The following MAMDC2 variants were observed in gnomAD, a reference collection of about 807,000 sequenced individuals.
MAMDC2 encodes the protein MAM domain containing 2.
A neutral mutation model predicts 89.8 loss-of-function variants in MAMDC2; 57 were observed. The observed-to-expected ratio is 0.63, with a 90% CI of 0.51 to 0.79. The LOEUF is 0.79. MAMDC2 is among the 30% of genes least tolerant of loss of function. The probability of loss-of-function intolerance (pLI) is 0.00; values close to 1 mark genes in which losing one functional copy is unlikely to be tolerated. For synonymous variants in MAMDC2, 313 were observed against 293.4 expected, an observed-to-expected ratio of 1.07 and a Z score of -0.68; for missense variants, 800 against 820.6, an observed-to-expected ratio of 0.97 and a Z score of 0.31.
chr9:70,085,807 C>T lies in MAMDC2; in HGVS notation c.149-22404C>T, dbSNP rs371934455. ...AGAAGTTAATCAACATGAGAAATTA[C>T]ACCTCAAGAAATTTGCAACTTTTTA... On this transcript the variant is annotated intron_variant, in intron 2 of 13. Transcript: ENST00000377182. The T allele has an allele frequency of 1.4e-4, 22 of 152,210 alleles. 1 individual carries two copies. In the East Asian group the frequency reaches 4.0e-3, roughly 28 times the overall value. The allele number at this position is 152,210 out of a possible 1,614,324, so 9.4% of individuals were successfully genotyped here.
At chr9:70,155,340 C>A (rs1212262781) in intron 9 of MAMDC2, among the ~76,000 whole-genome samples, 1 of 152,152 alleles carries the variant, frequency 6.6e-6, no homozygotes, top group East Asian at 1.9e-4. Context: ...ATAAAGGCAT[C>A]CAACACAAGC....
At chr9:70,170,211 C>T in intron 10 of MAMDC2, 1 of 372,868 alleles carries the variant, frequency 2.7e-6, no homozygotes, top group Non-Finnish European at 4.7e-6. Flanking sequence ...CACAAAAATT[C>T]ACAAGTCAGA....
chr9:70,130,349 C>T (rs940326374), intron 6 of MAMDC2, among the ~76,000 whole-genome samples: 1 of 152,126 alleles, frequency 6.6e-6, no homozygotes, highest in Non-Finnish European at 1.5e-5. Context: ...CAAGAGGCTG[C>T]ACCATACCAA....
At chr9:70,081,940 C>T (rs1364886601) in intron 2 of MAMDC2, 1 of 152,036 alleles carries the variant, frequency 6.6e-6, no homozygotes, top group East Asian at 1.9e-4. Context: ...AATTCTTACC[C>T]GTCACCTACT....
chr9:70,222,576 C>T (rs2033585070), intron 12 of MAMDC2, among the ~76,000 whole-genome samples: 1 of 152,156 alleles, frequency 6.6e-6, no homozygotes. Context: ...AATGTTTAAT[C>T]ATGCTCCTTC....
chr9:70,221,826 A>T (rs893482104), intron 12 of MAMDC2, among the ~76,000 whole-genome samples: 3 of 152,090 alleles, frequency 2.0e-5, no homozygotes, highest in Admixed American at 6.6e-5. Context: ...GAGGAAGAAG[A>T]AGTCAAGTTG....
chr9:70,211,061 T>TG (rs748348943), intron 11 of MAMDC2, among the ~76,000 whole-genome samples: 10 of 152,216 alleles, frequency 6.6e-5, no homozygotes, highest in Non-Finnish European at 4.4e-5. Context: ...CCTTAACATT[T>TG]TTCCTCCATT....
At chr9:70,084,216 T>G (rs1176504046) in intron 2 of MAMDC2, among the ~76,000 whole-genome samples, 1 of 152,122 alleles carries the variant, frequency 6.6e-6, no homozygotes, top group Non-Finnish European at 1.5e-5. Context: ...TTCATGTATC[T>G]GTTTGCAGGT....
intron 3 of MAMDC2, chr9:70,109,059 C>T (rs1285201903): frequency 6.6e-6 from 1 of 152,308 alleles, no homozygotes; most frequent in Non-Finnish European, 1.5e-5. Context: ...CCAGACACAC[C>T]TGGCCATGAA....
At chr9:70,072,180 C>A (rs1022264135) in intron 2 of MAMDC2, among the ~76,000 whole-genome samples, 1 of 152,094 alleles carries the variant, frequency 6.6e-6, no homozygotes, top group Non-Finnish European at 1.5e-5. Flanking sequence ...CTGACCCTCA[C>A]CTAGTTTATT....
intron 2 of MAMDC2, among the ~76,000 whole-genome samples, chr9:70,076,925 G>A (rs1827545425): frequency 6.6e-6 from 1 of 152,182 alleles, no homozygotes; most frequent in Non-Finnish European, 1.5e-5. Context: ...CTTGGAGATT[G>A]TCATATATGG....
intron 11 of MAMDC2, among the ~76,000 whole-genome samples, chr9:70,197,084 G>C (rs72712208): frequency 0.015 from 2,259 of 152,154 alleles, 33 homozygotes; most frequent in South Asian, 0.025. Context: ...TATTGCCTCT[G>C]AATACAACCT....
chr9:70,166,154 T>C (rs1406681616), intron 9 of MAMDC2, among the ~76,000 whole-genome samples: 1 of 151,818 alleles, frequency 6.6e-6, no homozygotes, highest in Non-Finnish European at 1.5e-5. Flanking sequence ...GGCAGGAGAA[T>C]TGCTTGAATC....
intron 9 of MAMDC2, among the ~76,000 whole-genome samples, chr9:70,156,215 T>G (rs1451150590): frequency 6.6e-6 from 1 of 152,234 alleles, no homozygotes; most frequent in Non-Finnish European, 1.5e-5. Flanking sequence ...GAAATTTAAG[T>G]CTTTGATTCA....
intron 9 of MAMDC2, among the ~76,000 whole-genome samples, chr9:70,149,549 G>C (rs544435410): frequency 3.0e-4 from 45 of 152,286 alleles, no homozygotes; most frequent in Admixed American, 2.9e-3. Flanking sequence ...CTCAGGAAGA[G>C]GGTATTGCCT....
At chr9:70,219,623 G>T (rs2033519984) in intron 12 of MAMDC2, among the ~76,000 whole-genome samples, 1 of 152,196 alleles carries the variant, frequency 6.6e-6, no homozygotes, top group Admixed American at 6.5e-5. Flanking sequence ...GCAGTCAAAG[G>T]TGCTACATTG....
At chr9:70,178,029 G>C (rs10114223) in intron 11 of MAMDC2, among the ~76,000 whole-genome samples, 137,497 of 152,182 alleles carry the variant, frequency 0.9, 62,405 homozygotes, top group East Asian at 0.98. Flanking sequence ...AGGGCTGTAG[G>C]CCACACACTT....
chr9:70,123,502 G>A (rs2030382234), intron 5 of MAMDC2, among the ~76,000 whole-genome samples: 1 of 152,150 alleles, frequency 6.6e-6, no homozygotes, highest in South Asian at 2.1e-4. Context: ...CCAGCCTGCA[G>A]ATATGTTTAT....
chr9:70,158,086 T>G (rs55686336), intron 9 of MAMDC2, among the ~76,000 whole-genome samples: 1,680 of 152,190 alleles, frequency 0.011, 22 homozygotes, highest in South Asian at 0.02. Flanking sequence ...GCCTCCCAAG[T>G]AGCTGGAAGT....
Sources: gnomAD v4.1 joint callset for allele counts (sites outside exome capture counted in the v4.1 genomes callset) on GRCh38, gnomAD v4.1.1 for gene constraint, MANE v1.5 for transcripts, NCBI Gene and HGNC (gene_info 2026-07-23, HGNC 2026-07-21) for gene names.